Variants in PAK5 observed in about 807,000 individuals in gnomAD.
PAK5 encodes the protein p21 (RAC1) activated kinase 5.
In PAK5, 16 loss-of-function variants were observed where a neutral mutation model predicts 65.9. That is an observed-to-expected ratio of 0.24 (90% CI 0.16 to 0.37). PAK5 has a LOEUF of 0.37. Ranked by LOEUF, PAK5 falls within the 10% of genes least tolerant of loss-of-function variation. The pLI is 1.00. For missense variants in PAK5, 785 were observed against 903.9 expected (o/e 0.87, Z 1.69); for synonymous variants, 371 against 354.9 (o/e 1.05, Z -0.51).
chr20:9,637,880 C>A (rs2047001940), intron 3 of PAK5, among the ~76,000 whole-genome samples: 1 of 151,876 alleles, frequency 6.6e-6, no homozygotes, highest in Admixed American at 6.6e-5. Flanking sequence ...TAAATATTAT[C>A]CTCTGTATTT....
intron 1 of PAK5, among the ~76,000 whole-genome samples, chr20:9,723,332 G>C (rs2048239539): frequency 6.6e-6 from 1 of 152,164 alleles, no homozygotes; most frequent in African/African-American, 2.4e-5. Context: ...TGGCTTTGAG[G>C]TGCAAGGGAA....
chr20:9,542,631 C>G lies in PAK5; in HGVS notation c.1959G>C (p.Arg653=). ...YFNEPPLQAM[R]RIRDSLPPRV... ...TTGGAGGTAAACTGTCCCGGATCCT[C>G]CGCATCGCCTGGAGGGGAGGCTCAT... The change falls in exon 9 of 10, where the codon CGG becomes CGC. Residue 653 remains arginine (R), a synonymous_variant. Coordinates refer to ENST00000353224, the MANE Select transcript of PAK5 (RefSeq NM_177990.4). 1 of 1,614,110 alleles carries G rather than the reference C, an allele frequency of 6.2e-7. No homozygotes were observed. The highest frequency in any genetic ancestry group is 8.5e-7 in the Non-Finnish European group (1 of 1,179,996).
rs1447600812 is a variant in PAK5 at position 9,756,546 on chromosome 20, T to C, written c.-161-45111A>G. The stretch of plus-strand genomic sequence containing the variant: ...GTTTGTTGAAATATGAAATGCGTTG[T>C]AAAATACACACCAAATCTCAAAGTT... On this transcript the variant is annotated intron_variant, in intron 1 of 9. Transcript: ENST00000353224. Among the ~76,000 whole-genome samples the C allele has an allele frequency of 3.3e-5, 5 of 152,166 alleles. No homozygotes were observed. The East Asian group carries it at 9.6e-4, about 29-fold the overall frequency.
Position 9,730,969 on chromosome 20 carries a change from G to C in PAK5, c.-161-19534C>G, listed in dbSNP as rs541003698. ...CTGCCATATTCAGCAAGAAACATCA[G>C]TGAGGTCCAGTGAACACTGACATAG... On this transcript the variant is annotated intron_variant, in intron 1 of 9. Coordinates refer to ENST00000353224, the MANE Select transcript of PAK5 (RefSeq NM_177990.4). Among the ~76,000 whole-genome samples, 6 of 152,334 alleles carry C rather than the reference G, an allele frequency of 3.9e-5. No individual in the cohort carries two copies. The South Asian group carries it at 1.0e-3, about 26-fold the overall frequency.
At chr20:9,741,211 C>T (rs1324101178) in intron 1 of PAK5, among the ~76,000 whole-genome samples, 7 of 152,020 alleles carry the variant, frequency 4.6e-5, no homozygotes, top group South Asian at 2.1e-4. Context: ...GTAAAGCTTC[C>T]GTTTGCTTAC....
intron 4 of PAK5, among the ~76,000 whole-genome samples, chr20:9,568,303 G>A (rs2045717791): frequency 6.6e-6 from 1 of 152,172 alleles, no homozygotes; most frequent in Non-Finnish European, 1.5e-5. Context: ...TAGATGGGGT[G>A]AGAAATGGTG....
At chr20:9,541,977 T>C (rs769228707) in intron 9 of PAK5, among the ~76,000 whole-genome samples, 3 of 152,190 alleles carry the variant, frequency 2.0e-5, no homozygotes, top group Non-Finnish European at 2.9e-5. Flanking sequence ...TCTCCAGGCA[T>C]GTGGAACTGT....
intron 1 of PAK5, among the ~76,000 whole-genome samples, chr20:9,738,095 C>T (rs1267426782): frequency 1.3e-5 from 2 of 151,842 alleles, no homozygotes; most frequent in Admixed American, 6.6e-5. Flanking sequence ...GAGCCGAGAT[C>T]GCACAACTGT....
chr20:9,644,066 A>G, intron 3 of PAK5, 59 bp downstream of exon 3: 1 of 1,244,598 alleles, frequency 8.0e-7, no homozygotes, highest in Non-Finnish European at 1.2e-6. Context: ...AAGCTGATGC[A>G]GTGCATTAAA....
chr20:9,753,396 A>AGGTTGGGTCTATATT (rs1289916114), intron 1 of PAK5, among the ~76,000 whole-genome samples: 2 of 152,148 alleles, frequency 1.3e-5, no homozygotes, highest in African/African-American at 4.8e-5. Flanking sequence ...GTATTGTTTG[A>AGGTTGGGTCTATATT]GGTTGGGTCT....
intron 1 of PAK5, among the ~76,000 whole-genome samples, chr20:9,735,895 A>G (rs948029927): frequency 1.2e-4 from 17 of 144,318 alleles, no homozygotes; most frequent in Admixed American, 2.1e-4. Context: ...AGCAATAGAA[A>G]CAATCTATTT....
intron 3 of PAK5, among the ~76,000 whole-genome samples, chr20:9,630,442 C>T (rs1170670659): frequency 6.6e-6 from 1 of 152,168 alleles, no homozygotes; most frequent in African/African-American, 2.4e-5. Context: ...CAGAAGGAGG[C>T]CAAGGAACAG....
At chr20:9,609,043 C>T (rs1186848684) in intron 3 of PAK5, among the ~76,000 whole-genome samples, 1 of 152,220 alleles carries the variant, frequency 6.6e-6, no homozygotes, top group Non-Finnish European at 1.5e-5. Context: ...CATATGAATT[C>T]AACCCCCTGG....
At chr20:9,745,879 A>C (rs2048501843) in intron 1 of PAK5, among the ~76,000 whole-genome samples, 1 of 152,108 alleles carries the variant, frequency 6.6e-6, no homozygotes, top group South Asian at 2.1e-4. Flanking sequence ...AACAACTAAA[A>C]AAAAAGAGAA....
At chr20:9,550,088 G>A (rs538304570) in intron 7 of PAK5, among the ~76,000 whole-genome samples, 15 of 152,284 alleles carry the variant, frequency 9.9e-5, no homozygotes, top group Admixed American at 9.8e-4. Flanking sequence ...TGGAGACACG[G>A]CGCTATAGTG....
chr20:9,739,862 T>C (rs2048432526), intron 1 of PAK5, among the ~76,000 whole-genome samples: 1 of 152,054 alleles, frequency 6.6e-6, no homozygotes, highest in Admixed American at 6.6e-5. Context: ...TCAGTTAAGA[T>C]AAAAGTGAGG....
At chr20:9,540,415 T>C (rs2045242271) in intron 9 of PAK5, among the ~76,000 whole-genome samples, 1 of 152,256 alleles carries the variant, frequency 6.6e-6, no homozygotes, top group East Asian at 1.9e-4. Flanking sequence ...TATTTTAATT[T>C]ATAGCATAAC....
chr20:9,542,095 A>ACT (rs1166396269), intron 9 of PAK5, among the ~76,000 whole-genome samples: 4 of 151,958 alleles, frequency 2.6e-5, no homozygotes, highest in Non-Finnish European at 5.9e-5. Context: ...TCTCCTGCAC[A>ACT]CTCTGTCACA....
At chr20:9,648,691 T>TGCTCAGAG (rs912984036) in intron 2 of PAK5, among the ~76,000 whole-genome samples, 1 of 152,182 alleles carries the variant, frequency 6.6e-6, no homozygotes, top group Admixed American at 6.5e-5. Flanking sequence ...AGGAAACAGA[T>TGCTCAGAG]GCTCAGAGTC....
Sources: allele counts gnomAD v4.1 joint callset (sites outside exome capture counted in the v4.1 genomes callset), GRCh38; gene constraint gnomAD v4.1.1; transcripts MANE v1.5; gene names NCBI Gene and HGNC (gene_info 2026-07-23, HGNC 2026-07-21).